CEACAM7: variants seen among roughly 807,000 people sequenced by gnomAD.
CEACAM7 encodes CEA cell adhesion molecule 7.
CEACAM7 carries 24 observed loss-of-function variants against 25.7 expected under a neutral mutation model. The ratio of observed to expected loss-of-function variants is 0.93; its 90% CI spans 0.68 to 1.31. The LOEUF (loss-of-function observed/expected upper bound fraction) is 1.31. CEACAM7 is among the 40% of genes most tolerant of loss of function. CEACAM7 has a pLI of 0.00. For missense variants in CEACAM7, 324 were observed against 330.1 expected (o/e 0.98, Z 0.14); for synonymous variants, 144 against 129.4 (o/e 1.11, Z -0.77).
chr19:41,680,720 G>A (rs1371110615), intron 3 of CEACAM7, among the ~76,000 whole-genome samples: 1 of 152,092 alleles, frequency 6.6e-6, no homozygotes, highest in Non-Finnish European at 1.5e-5. Context: ...AGGATGAGTT[G>A]AATCTTTACT....
intron 1 of CEACAM7, among the ~76,000 whole-genome samples, chr19:41,687,601 C>A (rs2072242053): frequency 6.9e-6 from 1 of 144,918 alleles, no homozygotes; most frequent in Non-Finnish European, 1.5e-5. Flanking sequence ...CATTCTAGAT[C>A]TCTTTGCCTG....
At position 41,679,801 on chromosome 19, in the gene CEACAM7, C is replaced by CTT. The variant is rs34340713; in HGVS notation, c.707-2300_707-2299dup. ...TCTCTGTCTCTTTCTCTCTCTCTCT[C>CTT]TTTTTTTTTTTTTTTTTTGAGACAG... On this transcript the variant is annotated intron_variant, in intron 3 of 4. Coordinates refer to ENST00000401731, the MANE Select transcript of CEACAM7 (RefSeq NM_001291485.2). Among the ~76,000 whole-genome samples the CTT allele has an allele frequency of 2.0e-3, 224 of 111,876 alleles. 7 individuals are homozygous for CTT. The highest frequency in any genetic ancestry group is 0.011 in the Middle Eastern group (2 of 184). 73.4% of individuals were successfully genotyped at this position (111,876 alleles called of 152,430 possible).
Position 41,676,881 on chromosome 19 carries a change from G to T in CEACAM7, c.*36+495C>A, listed in dbSNP as rs569881644. On this transcript the variant is annotated intron_variant, in intron 4 of 4. Coordinates refer to ENST00000401731, the MANE Select transcript of CEACAM7 (RefSeq NM_001291485.2). ...TAGGATGGAGAAATTATACTCAGGA[G>T]TAGTGGTAAAGGAAGTAAAAAGGAT... Among the ~76,000 whole-genome samples the T allele has an allele frequency of 5.3e-5, 8 of 152,314 alleles. No homozygotes were observed. In the South Asian group the frequency reaches 1.2e-3, roughly 24 times the overall value.
At chr19:41,675,036 A>C (rs113861210) in intron 4 of CEACAM7, among the ~76,000 whole-genome samples, 7 of 152,330 alleles carry the variant, frequency 4.6e-5, no homozygotes, top group African/African-American at 1.7e-4. Flanking sequence ...ACCTCTCAGC[A>C]CTAGGAAGCC....
chr19:41,687,136 C>A lies in CEACAM7; in HGVS notation c.150G>T (p.Glu50Asp), dbSNP rs782742818. The part of the protein sequence containing the change: ...VVPFNVAEGK[E>D]VLLVVHNESQ... ...ACTCATTATGGACTACTAGAAGGACCTCCTTCCCTTCTGCGACATTGAACG... is the reference window on the plus strand; with the variant it reads ...ACTCATTATGGACTACTAGAAGGACATCCTTCCCTTCTGCGACATTGAACG... The change falls in exon 2 of 5, where the codon GAG becomes GAT. Residue 50 changes from glutamate to aspartate, a missense_variant. Transcript: ENST00000401731. 1 of 1,614,046 alleles carries A rather than the reference C, an allele frequency of 6.2e-7. No homozygotes were observed. Among genetic ancestry groups the A allele is most frequent in the Non-Finnish European group, 8.5e-7 (1 of 1,179,958 alleles).
At chr19:41,686,324 G>A (rs2072224889) in intron 2 of CEACAM7, among the ~76,000 whole-genome samples, 1 of 152,164 alleles carries the variant, frequency 6.6e-6, no homozygotes. Flanking sequence ...GCCCAGATGA[G>A]GCCCTGGGGG....
intron 1 of CEACAM7, 109 bp from the exon 2 acceptor site, chr19:41,687,330 AGTGTGTGTGT>A: frequency 1.3e-6 from 1 of 778,460 alleles, no homozygotes; most frequent in Non-Finnish European, 2.1e-6. Context: ...TCTTGAAGTA[AGTGTGTGTGT>A]GTGTGTGTGT....
intron 3 of CEACAM7, among the ~76,000 whole-genome samples, chr19:41,681,836 T>C (rs1034550747): frequency 9.9e-5 from 15 of 151,040 alleles, no homozygotes; most frequent in African/African-American, 3.7e-4. Flanking sequence ...TTAGAAGGAG[T>C]GGAGAGTTAC....
intron 3 of CEACAM7, among the ~76,000 whole-genome samples, chr19:41,679,801 C>CTCTTTTT (rs35780292): frequency 1.5e-4 from 17 of 111,924 alleles, no homozygotes; most frequent in South Asian, 6.0e-4. Context: ...CTCTCTCTCT[C>CTCTTTTT]TTTTTTTTTT....
In CEACAM7 at chr19:41,686,992, A is replaced by C; in HGVS notation, c.294T>G (p.Gly98=). The change falls in exon 2 of 5, where the codon GGT becomes GGG. Residue 98 remains glycine, a synonymous_variant. Transcript: ENST00000401731. ...QENAPGPAHN[G]RETIYPNGTL... ...TTCCATTGGGGTATATTGTCTCTCG[A>C]CCGTTGTGTGCGGGCCCTGGGGCAT... 6.2e-7 allele frequency: 1 copy of C among 1,613,416 alleles called. No individual in the cohort carries two copies. Among genetic ancestry groups the C allele is most frequent in the Non-Finnish European group, 8.5e-7 (1 of 1,179,748 alleles).
rs532162608 is a variant in CEACAM7 at position 41,673,668 on chromosome 19, G to A, written c.*1108C>T. On this transcript the variant is annotated 3_prime_UTR_variant, in exon 5 of 5. Coordinates refer to ENST00000401731, the MANE Select transcript of CEACAM7 (RefSeq NM_001291485.2). ...GACTGGCTCCATTCTGGAGTCACCA[G>A]GCTGTCACCTAAATGAGAGTTTGAC... 4 of 152,286 alleles carry A rather than the reference G, an allele frequency of 2.6e-5. No individual in the cohort carries two copies. The East Asian group carries it at 7.7e-4, about 29-fold the overall frequency. 9.4% of individuals were successfully genotyped at this position (152,286 alleles called of 1,614,324 possible). A position where few individuals can be genotyped will look rare whatever the true frequency, so the allele number is the denominator to read the frequency against.
chr19:41,682,895 G>A (rs2072189388), intron 3 of CEACAM7, among the ~76,000 whole-genome samples: 1 of 152,224 alleles, frequency 6.6e-6, no homozygotes, highest in African/African-American at 2.4e-5. Context: ...TCCACTACCT[G>A]GGGCTTTGGG....
intron 3 of CEACAM7, among the ~76,000 whole-genome samples, chr19:41,682,170 C>A (rs2072182252): frequency 6.6e-6 from 1 of 152,152 alleles, no homozygotes. Context: ...AACTCCTGAG[C>A]TCAAGCGAGC....
intron 3 of CEACAM7, among the ~76,000 whole-genome samples, 171 bp downstream of exon 3, chr19:41,683,614 G>C (rs531302528): frequency 5.4e-4 from 82 of 152,336 alleles, no homozygotes; most frequent in Non-Finnish European, 7.4e-4. Flanking sequence ...TCATATTCTT[G>C]GTCAAGGCTG....
chr19:41,686,060 G>C (rs1348035200), intron 2 of CEACAM7, among the ~76,000 whole-genome samples: 1 of 152,156 alleles, frequency 6.6e-6, no homozygotes, highest in African/African-American at 2.4e-5. Flanking sequence ...CTGGATGAGA[G>C]CCCTGTGTAG....
In CEACAM7 at chr19:41,674,604, A is replaced by G; in HGVS notation, c.*172T>C. ...GCTCTGAGTGGCCCACATCTCAGGC[A>G]TGAGGGTTTTTCCTTGAAATTTACA... is the stretch of plus-strand genomic sequence containing the variant. On this transcript the variant is annotated 3_prime_UTR_variant, in exon 5 of 5. Coordinates refer to ENST00000401731, the MANE Select transcript of CEACAM7 (RefSeq NM_001291485.2). 2.9e-6 allele frequency: 1 copy of G among 344,750 alleles called. No individual in the cohort carries two copies. Among genetic ancestry groups the G allele is most frequent in the Non-Finnish European group, 5.8e-6 (1 of 173,874 alleles). 21.4% of individuals were successfully genotyped at this position (344,750 alleles called of 1,614,324 possible).
intron 4 of CEACAM7, among the ~76,000 whole-genome samples, chr19:41,675,202 A>G (rs1200476230): frequency 6.6e-6 from 1 of 152,228 alleles, no homozygotes. Context: ...TTCTTATTGA[A>G]CTTATGCAAA....
chr19:41,683,724 G>T (rs1555810887), intron 3 of CEACAM7, 61 bp downstream of exon 3: 11 of 1,594,922 alleles, frequency 6.9e-6, no homozygotes, highest in East Asian at 2.2e-5. Context: ...AAGAGGCCTG[G>T]TCTCTGGCTG....
At position 41,686,927 on chromosome 19, in the gene CEACAM7, A is replaced by G. The variant is rs1555811255; in HGVS notation, c.359T>C (p.Ile120Thr). 6.3e-7 allele frequency: 1 copy of G among 1,591,842 alleles called. No homozygotes were observed. The highest frequency in any genetic ancestry group is 1.4e-5 in the African/African-American group (1 of 73,830). ...IQNVTHNDAG[I>T]YTLHVIKENL... ...TTCTTTTATAACGTGTAGGGTATAG[A>G]TTCCTGCGTCATTGTGGGTGACGTT... Residue 120 changes from isoleucine to threonine, a missense_variant, in exon 2 of 5, where the codon ATC becomes ACC. Ile to Thr is a moderately conservative substitution (Grantham distance 89). Transcript: ENST00000401731.
Sources: gnomAD v4.1 joint callset for allele counts (sites outside exome capture counted in the v4.1 genomes callset) on GRCh38, gnomAD v4.1.1 for gene constraint, MANE v1.5 for transcripts, NCBI Gene and HGNC (gene_info 2026-07-23, HGNC 2026-07-21) for gene names.